The following NTNG1 variants were observed in gnomAD, a reference collection of about 807,000 sequenced individuals.
The protein encoded by NTNG1 is netrin-G1.
A neutral mutation model predicts 54.0 loss-of-function variants in NTNG1; 16 were observed. The observed-to-expected ratio is 0.30, with a 90% CI of 0.20 to 0.45. NTNG1 has a LOEUF of 0.45. Ranked by LOEUF, NTNG1 falls within the 20% of genes least tolerant of loss-of-function variation. The pLI is 1.00. For missense variants in NTNG1, 530 were observed against 678.7 expected, an observed-to-expected ratio of 0.78 and a Z score of 2.43; for synonymous variants, 255 against 263.1, an observed-to-expected ratio of 0.97 and a Z score of 0.30.
chr1:107,376,303 G>GA (rs1671235812), intron 3 of NTNG1, among the ~76,000 whole-genome samples: 1 of 152,084 alleles, frequency 6.6e-6, no homozygotes, highest in Non-Finnish European at 1.5e-5. Flanking sequence ...AGCTACTCGG[G>GA]AGGCTGAGGC....
At chr1:107,307,773 T>C (rs1434630240) in intron 2 of NTNG1, among the ~76,000 whole-genome samples, 1 of 152,202 alleles carries the variant, frequency 6.6e-6, no homozygotes, top group African/African-American at 2.4e-5. Context: ...CTCCTATTTT[T>C]ACTGGTTTCT....
chr1:107,181,961 CCT>C (rs1174678423), intron 2 of NTNG1, among the ~76,000 whole-genome samples: 5 of 151,950 alleles, frequency 3.3e-5, no homozygotes, highest in Non-Finnish European at 5.9e-5. Context: ...TCAATATTCC[CCT>C]GTTTTTTTTA....
At position 107,324,661 on chromosome 1, in the gene NTNG1, A is replaced by C. The variant is rs968320358; in HGVS notation, c.626A>C (p.Glu209Ala). The C allele has an allele frequency of 1.2e-6, 2 of 1,613,590 alleles. No individual in the cohort carries two copies. The highest frequency in any genetic ancestry group is 3.3e-5 in the Admixed American group (2 of 59,874). ...HTVLEIICTEEYSTGYTTNSK... is the reference protein window; with the variant it reads ...HTVLEIICTEAYSTGYTTNSK... ...GTCTTAGAAATCATTTGCACAGAAG[A>C]GTACTCAACAGGGTATACAACAAAT... The change falls in exon 3 of 8, where the codon GAG becomes GCG. Residue 209 changes from glutamate (E) to alanine (A), a missense_variant. Physicochemically the swap from Glu to Ala is moderately radical, Grantham distance 107. Around this residue, in one of 2 missense-constraint regions of NTNG1, gnomAD observed 318 missense variants for 465.1 expected, o/e 0.68. Transcript: ENST00000370068.
intron 2 of NTNG1, among the ~76,000 whole-genome samples, chr1:107,239,065 A>C (rs1661625268): frequency 6.6e-6 from 1 of 152,182 alleles, no homozygotes; most frequent in South Asian, 2.1e-4. Context: ...AAAATGAAGA[A>C]GTCTAGAAAG....
At chr1:107,269,024 A>G (rs1418428394) in intron 2 of NTNG1, among the ~76,000 whole-genome samples, 1 of 152,100 alleles carries the variant, frequency 6.6e-6, no homozygotes, top group African/African-American at 2.4e-5. Flanking sequence ...ATTCAGTACA[A>G]ATTTTTTTTA....
At chr1:107,280,491 C>T (rs1664777299) in intron 2 of NTNG1, among the ~76,000 whole-genome samples, 1 of 151,496 alleles carries the variant, frequency 6.6e-6, no homozygotes, top group Non-Finnish European at 1.5e-5. Flanking sequence ...GATCAGTTTT[C>T]TTTTTGTTTG....
intron 2 of NTNG1, among the ~76,000 whole-genome samples, chr1:107,264,385 G>A (rs1409910668): frequency 2.0e-5 from 3 of 152,186 alleles, no homozygotes; most frequent in Non-Finnish European, 4.4e-5. Context: ...TACAGGGATG[G>A]CTTTATTAAA....
At chr1:107,273,924 C>T (rs1337950759) in intron 2 of NTNG1, among the ~76,000 whole-genome samples, 1 of 146,624 alleles carries the variant, frequency 6.8e-6, no homozygotes, top group Non-Finnish European at 1.5e-5. Flanking sequence ...TTCTGAATTA[C>T]TGAAGTGATT....
chr1:107,179,436 C>G (rs919006619), intron 2 of NTNG1, among the ~76,000 whole-genome samples: 7 of 151,668 alleles, frequency 4.6e-5, no homozygotes, highest in Non-Finnish European at 1.0e-4. Flanking sequence ...ATTGTTTTGT[C>G]TTTTTGCTCT....
At chr1:107,454,212 C>G (rs1479198340) in intron 7 of NTNG1, among the ~76,000 whole-genome samples, 1 of 152,168 alleles carries the variant, frequency 6.6e-6, no homozygotes, top group Non-Finnish European at 1.5e-5. Context: ...CAAGCAGTGA[C>G]TGACAAGGCT....
intron 3 of NTNG1, among the ~76,000 whole-genome samples, chr1:107,359,459 C>A (rs1670134298): frequency 1.3e-5 from 2 of 152,064 alleles, no homozygotes; most frequent in African/African-American, 4.8e-5. Flanking sequence ...GAAAACAGGT[C>A]TGGTGGGCAA....
chr1:107,189,294 T>C (rs1254085983), intron 2 of NTNG1, among the ~76,000 whole-genome samples: 1 of 140,926 alleles, frequency 7.1e-6, no homozygotes, highest in Non-Finnish European at 1.5e-5. Context: ...GAGGTTGCAG[T>C]GAACCGAGAT....
rs1041305274 is a variant in NTNG1, at chr1:107,149,577, G to GCT, written c.246+739_246+740dup. On this transcript the variant is annotated intron_variant, in intron 2 of 7. Transcript: ENST00000370068. ...AGTTACAGAATTCATTGTTCTGAAG[G>GCT]CTTATATAAGTCCTTTTTTTTCTGC... Among the ~76,000 whole-genome samples the GCT allele has an allele frequency of 3.6e-4, 55 of 152,110 alleles. 1 individual carries two copies. Among genetic ancestry groups the GCT allele is most frequent in the Non-Finnish European group, 8.8e-5 (6 of 68,016 alleles).
At chr1:107,391,842 G>A (rs1672384802) in intron 3 of NTNG1, among the ~76,000 whole-genome samples, 1 of 152,136 alleles carries the variant, frequency 6.6e-6, no homozygotes, top group Admixed American at 6.6e-5. Flanking sequence ...CTCCCATCAG[G>A]TCCCTCCCTA....
intron 3 of NTNG1, among the ~76,000 whole-genome samples, chr1:107,372,647 T>C (rs988801865): frequency 2.0e-5 from 3 of 152,118 alleles, no homozygotes; most frequent in Non-Finnish European, 4.4e-5. Context: ...GTTTTAAAAA[T>C]GCCAATAAGA....
intron 2 of NTNG1, among the ~76,000 whole-genome samples, chr1:107,275,930 A>G (rs1478195472): frequency 6.6e-6 from 1 of 152,210 alleles, no homozygotes; most frequent in East Asian, 1.9e-4. Context: ...CTAGTAAAAG[A>G]GAAGAAGGGC....
chr1:107,197,235 G>A (rs1658409885), intron 2 of NTNG1, among the ~76,000 whole-genome samples: 2 of 151,960 alleles, frequency 1.3e-5, no homozygotes, highest in South Asian at 2.1e-4. Context: ...TGCAGCCTTA[G>A]TTACAAGGGT....
intron 2 of NTNG1, among the ~76,000 whole-genome samples, chr1:107,288,949 C>T (rs1665397872): frequency 6.6e-6 from 1 of 152,104 alleles, no homozygotes; most frequent in African/African-American, 2.4e-5. Context: ...ACAAAGTATA[C>T]ACACAAGAAA....
chr1:107,443,982 A>G (rs1271989017), intron 7 of NTNG1, among the ~76,000 whole-genome samples: 2 of 152,136 alleles, frequency 1.3e-5, no homozygotes, highest in Non-Finnish European at 2.9e-5. Context: ...GGAGCCTCCC[A>G]GAGGCAATTT....
Sources: gnomAD v4.1 joint callset for allele counts (sites outside exome capture counted in the v4.1 genomes callset) on GRCh38, gnomAD v4.1.1 for gene constraint, gnomAD v4.1.1 regional missense constraint, MANE v1.5 for transcripts, NCBI Gene and HGNC (gene_info 2026-07-23, HGNC 2026-07-21) for gene names.